The following COL8A1 variants were observed in gnomAD, a reference collection of about 807,000 sequenced individuals.
COL8A1 encodes collagen alpha-1(VIII) chain.
A neutral mutation model predicts 42.7 loss-of-function variants in COL8A1; 21 were observed. That is an observed-to-expected ratio of 0.49 (90% CI 0.35 to 0.71). The LOEUF (loss-of-function observed/expected upper bound fraction) is 0.71, where lower values mean the gene tolerates loss of function less well. COL8A1 is among the 30% of genes least tolerant of loss of function. The pLI is 0.01. For synonymous variants in COL8A1, 367 were observed against 369.1 expected (o/e 0.99, Z 0.06); for missense variants, 788 against 962.4 (o/e 0.82, Z 2.40).
chr3:99,649,402 G>A (rs1487301750), intron 1 of COL8A1, among the ~76,000 whole-genome samples: 2 of 152,074 alleles, frequency 1.3e-5, no homozygotes, highest in Non-Finnish European at 2.9e-5. Flanking sequence ...ATAGAGGTAG[G>A]GGAATAAAAT....
chr3:99,706,673 C>T (rs1253582942), intron 1 of COL8A1, among the ~76,000 whole-genome samples: 1 of 152,216 alleles, frequency 6.6e-6, no homozygotes, highest in Non-Finnish European at 1.5e-5. Context: ...CACCATAAAA[C>T]TTAAATGACA....
intron 1 of COL8A1, among the ~76,000 whole-genome samples, chr3:99,669,146 T>TATATATATATATATATATATATAGAGAG: frequency 1.2e-4 from 14 of 115,388 alleles, no homozygotes; most frequent in Admixed American, 6.6e-4. Flanking sequence ...TATATATATA[T>TATATATATATATATATATATATAGAGAG]AGAGGGAGAG....
chr3:99,681,620 A>C (rs575863782), intron 1 of COL8A1, among the ~76,000 whole-genome samples: 21 of 152,326 alleles, frequency 1.4e-4, no homozygotes, highest in Non-Finnish European at 2.8e-4. Flanking sequence ...TTCCTCAAAG[A>C]CTAAAACACA....
At chr3:99,693,003 A>G (rs1399491135) in intron 1 of COL8A1, among the ~76,000 whole-genome samples, 2 of 152,224 alleles carry the variant, frequency 1.3e-5, no homozygotes, top group African/African-American at 4.8e-5. Flanking sequence ...TACTCAAAAT[A>G]TAAAAATTAG....
chr3:99,740,292 T>C (rs879321852), intron 1 of COL8A1, among the ~76,000 whole-genome samples: 12 of 152,188 alleles, frequency 7.9e-5, no homozygotes, highest in Non-Finnish European at 1.8e-4. Context: ...CGCTTCCACA[T>C]TTTCAGGTAT....
chr3:99,711,636 A>G (rs910206157), intron 1 of COL8A1, among the ~76,000 whole-genome samples: 1 of 152,136 alleles, frequency 6.6e-6, no homozygotes, highest in African/African-American at 2.4e-5. Context: ...GATAAATGGC[A>G]AAGGATTTCA....
At chr3:99,707,647 C>G (rs540108820) in intron 1 of COL8A1, among the ~76,000 whole-genome samples, 14 of 152,252 alleles carry the variant, frequency 9.2e-5, no homozygotes, top group African/African-American at 3.4e-4. Context: ...CATGATTGGG[C>G]CCACGCCCTG....
chr3:99,774,766 G>A (rs1399286797), intron 2 of COL8A1, among the ~76,000 whole-genome samples: 1 of 152,212 alleles, frequency 6.6e-6, no homozygotes, highest in Non-Finnish European at 1.5e-5. Context: ...CAGGACAGGA[G>A]CCTCATTCTC....
intron 1 of COL8A1, among the ~76,000 whole-genome samples, chr3:99,640,401 A>G (rs764084743): frequency 2.6e-5 from 4 of 152,136 alleles, no homozygotes; most frequent in Non-Finnish European, 5.9e-5. Flanking sequence ...GTAGTGCCTG[A>G]CTCACACCCA....
chr3:99,738,063 G>T, intron 1 of COL8A1, among the ~76,000 whole-genome samples: 1 of 152,074 alleles, frequency 6.6e-6, no homozygotes, highest in East Asian at 1.9e-4. Context: ...TCGAGCCTTG[G>T]TTTTCAGCTC....
rs1464936373 is a variant in COL8A1, at chr3:99,795,309, C to G, written c.1408C>G (p.Pro470Ala). ...GGGGGAAGCTGGGCAAAAAGGTGTA[C>G]CAGGACTCCCTGGTGTTCCAGGGCT... ...PKGEAGQKGV[P>A]GLPGVPGLLG... The change falls in exon 4 of 4, where the codon CCA (proline) becomes GCA (alanine). Residue 470 changes from proline (P) to alanine (A), a missense_variant. Pro to Ala is a conservative substitution (Grantham distance 27, BLOSUM62 -1). Coordinates refer to ENST00000652472, the MANE Select transcript of COL8A1 (RefSeq NM_020351.4). 1 of 1,608,798 alleles carries G rather than the reference C, an allele frequency of 6.2e-7. No homozygotes were observed. Among genetic ancestry groups the G allele is most frequent in the Non-Finnish European group, 8.5e-7 (1 of 1,177,528 alleles).
chr3:99,773,357 G>A (rs1333693153), intron 2 of COL8A1, among the ~76,000 whole-genome samples: 1 of 152,046 alleles, frequency 6.6e-6, no homozygotes, highest in Non-Finnish European at 1.5e-5. Flanking sequence ...TAAGGGGAAT[G>A]GCAGCCAAGA....
intron 1 of COL8A1, among the ~76,000 whole-genome samples, chr3:99,707,816 G>A (rs1939723817): frequency 6.6e-6 from 1 of 152,030 alleles, no homozygotes; most frequent in South Asian, 2.1e-4. Context: ...AACCTTAATT[G>A]AGCACTATGT....
Position 99,796,162 on chromosome 3 carries a change from A to T in COL8A1, c.*26A>T. ...AAACAAAAAAACAAAAAACAAAGAA[A>T]AGAAAGAGATTTTATAGAAGAAAAT... On this transcript the variant is annotated 3_prime_UTR_variant, in exon 4 of 4. Transcript: ENST00000652472. The T allele has an allele frequency of 1.4e-6, 2 of 1,445,908 alleles. No individual in the cohort carries two copies. Among genetic ancestry groups the T allele is most frequent in the Non-Finnish European group, 1.8e-6 (2 of 1,093,400 alleles). 89.6% of individuals were successfully genotyped at this position (1,445,908 alleles called of 1,614,324 possible). A position where few individuals can be genotyped will look rare whatever the true frequency, so the allele number is the denominator to read the frequency against.
chr3:99,790,756 T>G lies in COL8A1; in HGVS notation c.74T>G (p.Ile25Ser). 1 of 1,614,194 alleles carries G rather than the reference T, an allele frequency of 6.2e-7. No individual in the cohort carries two copies. Among genetic ancestry groups the G allele is most frequent in the Non-Finnish European group, 8.5e-7 (1 of 1,180,042 alleles). The change falls in exon 3 of 4, where the codon ATT (isoleucine) becomes AGT (serine). Residue 25 changes from isoleucine (I) to serine (S), a missense_variant. Coordinates refer to ENST00000652472, the MANE Select transcript of COL8A1 (RefSeq NM_020351.4). ...LTISLSSIRL[I>S]QAGAYYGIKP... ...ATTTCCCTGAGTTCCATCAGGCTCA[T>G]TCAGGCTGGTGCCTACTATGGGATC...
At chr3:99,702,501 A>C (rs1939569123) in intron 1 of COL8A1, among the ~76,000 whole-genome samples, 1 of 152,238 alleles carries the variant, frequency 6.6e-6, no homozygotes, top group Non-Finnish European at 1.5e-5. Flanking sequence ...ATAAGTTATC[A>C]TTTCCAATTA....
At chr3:99,779,687 T>C (rs899971289) in intron 2 of COL8A1, among the ~76,000 whole-genome samples, 6 of 152,206 alleles carry the variant, frequency 3.9e-5, no homozygotes, top group African/African-American at 1.4e-4. Context: ...TACTCACTTA[T>C]TAGAAACTGT....
chr3:99,710,855 T>A (rs538894664), intron 1 of COL8A1, among the ~76,000 whole-genome samples: 1 of 152,292 alleles, frequency 6.6e-6, no homozygotes, highest in African/African-American at 2.4e-5. Flanking sequence ...CTATTAAGAA[T>A]CTGGAAACTT....
chr3:99,679,473 TAG>T (rs1360112764), intron 1 of COL8A1: 1 of 152,194 alleles, frequency 6.6e-6, no homozygotes, highest in Non-Finnish European at 1.5e-5. Context: ...CCTTCTATAA[TAG>T]AGTTTCCAGT....
Sources: gnomAD v4.1 joint callset for allele counts (sites outside exome capture counted in the v4.1 genomes callset) on GRCh38, gnomAD v4.1.1 for gene constraint, MANE v1.5 for transcripts, NCBI Gene and HGNC (gene_info 2026-07-23, HGNC 2026-07-21) for gene names.